Variants in CYTH3 observed in about 807,000 individuals in gnomAD.
The protein encoded by CYTH3 is cytohesin 3.
In CYTH3, 23 loss-of-function variants were observed where a neutral mutation model predicts 55.1. The observed-to-expected ratio is 0.42, with a 90% confidence interval of 0.30 to 0.59. The LOEUF is 0.59. Among genes scored for constraint, CYTH3 ranks in the 20% least tolerant of loss-of-function variants. The pLI, the probability that CYTH3 is intolerant of heterozygous loss-of-function variation, is 0.20. For synonymous variants in CYTH3, 249 were observed against 194.9 expected (o/e 1.28, Z -2.31); for missense variants, 413 against 524.8 (o/e 0.79, Z 2.08).
intron 1 of CYTH3, among the ~76,000 whole-genome samples, chr7:6,235,073 G>T (rs1333612835): frequency 6.6e-6 from 1 of 152,114 alleles, no homozygotes. Flanking sequence ...AGAGCATCAT[G>T]CTCCTTTGCC....
intron 3 of CYTH3, 142 bp from the exon 4 acceptor site, chr7:6,187,258 G>A (rs1027688683): frequency 6.5e-6 from 5 of 770,506 alleles, no homozygotes; most frequent in South Asian, 4.9e-5. Flanking sequence ...CCCAGTCTCC[G>A]CAGTGGCGGC....
At chr7:6,252,529 G>C (rs1020074576) in intron 1 of CYTH3, among the ~76,000 whole-genome samples, 1 of 152,156 alleles carries the variant, frequency 6.6e-6, no homozygotes, top group African/African-American at 2.4e-5. Flanking sequence ...TACTTTTAGA[G>C]GAGTGTCATT....
chr7:6,249,483 C>T lies in CYTH3; in HGVS notation c.34+22991G>A, dbSNP rs145428587. Among the ~76,000 whole-genome samples, 621 of 152,296 alleles carry T rather than the reference C, an allele frequency of 4.1e-3. 4 individuals are homozygous for T. The highest frequency in any genetic ancestry group is 0.014 in the African/African-American group (594 of 41,568). ...CTCCCAGCACAGTGGCTTCGGAGGG[C>T]CTTTGAATTCTCCTTATTTGCAGCA... On this transcript the variant is annotated intron_variant, in intron 1 of 12. Coordinates refer to ENST00000350796, the MANE Select transcript of CYTH3 (RefSeq NM_004227.4).
intron 1 of CYTH3, among the ~76,000 whole-genome samples, chr7:6,229,709 G>A (rs1779340091): frequency 6.7e-6 from 1 of 150,282 alleles, no homozygotes; most frequent in Non-Finnish European, 1.5e-5. Flanking sequence ...CCCAGCTACA[G>A]AGGAAGCTGA....
At chr7:6,205,513 G>C (rs1021571288) in intron 1 of CYTH3, among the ~76,000 whole-genome samples, 1 of 152,004 alleles carries the variant, frequency 6.6e-6, no homozygotes, top group African/African-American at 2.4e-5. Flanking sequence ...GGTAGAAGTC[G>C]CACTGAGCCG....
chr7:6,184,288 C>T (rs1562884180), intron 4 of CYTH3, among the ~76,000 whole-genome samples: 1 of 151,660 alleles, frequency 6.6e-6, no homozygotes, highest in Non-Finnish European at 1.5e-5. Context: ...TCTCAATCTC[C>T]TGACCTCATG....
At chr7:6,179,396 G>A (rs1783419416) in intron 4 of CYTH3, among the ~76,000 whole-genome samples, 1 of 152,060 alleles carries the variant, frequency 6.6e-6, no homozygotes, top group African/African-American at 2.4e-5. Context: ...TTCTACAACT[G>A]CGGCTTGTTC....
intron 1 of CYTH3, among the ~76,000 whole-genome samples, chr7:6,235,287 C>G (rs1779490378): frequency 6.6e-6 from 1 of 152,002 alleles, no homozygotes; most frequent in South Asian, 2.1e-4. Context: ...AACAGCCTGG[C>G]CAAAGTGGTG....
At chr7:6,210,812 C>T (rs1352303236) in intron 1 of CYTH3, among the ~76,000 whole-genome samples, 1 of 152,130 alleles carries the variant, frequency 6.6e-6, no homozygotes, top group Non-Finnish European at 1.5e-5. Flanking sequence ...AAGTGTCTTC[C>T]AAGAAAACAG....
chr7:6,236,206 C>T (rs1286101594), intron 1 of CYTH3, among the ~76,000 whole-genome samples: 1 of 151,934 alleles, frequency 6.6e-6, no homozygotes, highest in African/African-American at 2.4e-5. Flanking sequence ...AATAACCCCC[C>T]CCTTATTTTT....
chr7:6,173,892 G>A (rs1269439686), intron 5 of CYTH3, among the ~76,000 whole-genome samples, 159 bp from the exon 6 acceptor site: 2 of 152,108 alleles, frequency 1.3e-5, no homozygotes, highest in Admixed American at 6.5e-5. Flanking sequence ...GGCAGGGCTG[G>A]CCATGTTACC....
At position 6,167,722 on chromosome 7, in the gene CYTH3, G is replaced by T. The variant is rs1382665917; in HGVS notation, c.824-1912C>A. Reference sequence around the variant, plus strand: ...TGTTATCTGAGTCTCCAGTTCTTGGGGAGCTCATCCAGGAGCCCCCAGGTT... The same window carrying T: ...TGTTATCTGAGTCTCCAGTTCTTGGTGAGCTCATCCAGGAGCCCCCAGGTT... On this transcript the variant is annotated intron_variant, in intron 9 of 12. Transcript: ENST00000350796. The surrounding 1 kb of genome is among the most constrained non-coding windows in gnomAD (Gnocchi z 5.5). Among the ~76,000 whole-genome samples, 1 of 152,230 alleles carries T rather than the reference G, an allele frequency of 6.6e-6. No individual in the cohort carries two copies. Among genetic ancestry groups the T allele is most frequent in the African/African-American group, 2.4e-5 (1 of 41,462 alleles).
At chr7:6,168,995 G>T (rs531803247) in intron 9 of CYTH3, among the ~76,000 whole-genome samples, 2 of 152,116 alleles carry the variant, frequency 1.3e-5, no homozygotes, top group African/African-American at 4.8e-5. Context: ...TAGAACACTC[G>T]CACAATGTGA....
At chr7:6,195,424 G>T (rs1199783077) in intron 1 of CYTH3, among the ~76,000 whole-genome samples, 3 of 152,070 alleles carry the variant, frequency 2.0e-5, no homozygotes. Context: ...TTAGATCTAA[G>T]TGTCGATAAA....
At chr7:6,210,148 A>G (rs1432855116) in intron 1 of CYTH3, among the ~76,000 whole-genome samples, 1 of 152,176 alleles carries the variant, frequency 6.6e-6, no homozygotes, top group Non-Finnish European at 1.5e-5. Context: ...CCATTGTAAG[A>G]AATGCACCAC....
At chr7:6,166,043 T>C (rs1353199372) in intron 9 of CYTH3, among the ~76,000 whole-genome samples, 1 of 152,122 alleles carries the variant, frequency 6.6e-6, no homozygotes, top group Non-Finnish European at 1.5e-5. Flanking sequence ...ACAACCGCGC[T>C]ACAATTCGCT....
At chr7:6,249,210 T>A (rs894824270) in intron 1 of CYTH3, among the ~76,000 whole-genome samples, 2 of 152,202 alleles carry the variant, frequency 1.3e-5, no homozygotes, top group African/African-American at 2.4e-5. Context: ...GAGCACAGCT[T>A]GTCCACTGGA....
At chr7:6,244,085 T>C (rs1779743550) in intron 1 of CYTH3, among the ~76,000 whole-genome samples, 1 of 152,240 alleles carries the variant, frequency 6.6e-6, no homozygotes, top group African/African-American at 2.4e-5. Flanking sequence ...GTGTTGAAGT[T>C]GCATGTTCTA....
intron 1 of CYTH3, among the ~76,000 whole-genome samples, chr7:6,232,450 A>G (rs1458436049): frequency 6.6e-6 from 1 of 152,100 alleles, no homozygotes; most frequent in Non-Finnish European, 1.5e-5. Context: ...GGTGGACCAC[A>G]TGGCCTGTAA....
Sources: allele counts gnomAD v4.1 joint callset (sites outside exome capture counted in the v4.1 genomes callset), GRCh38; gene constraint gnomAD v4.1.1; non-coding constraint Gnocchi (gnomAD v3.1); transcripts MANE v1.5; gene names NCBI Gene and HGNC (gene_info 2026-07-23, HGNC 2026-07-21).